Variants in KDF1 observed in about 807,000 individuals in gnomAD.
The protein encoded by KDF1 is RP11-344H11.3.
KDF1 carries 11 observed loss-of-function variants against 31.6 expected under a neutral mutation model. That is an observed-to-expected ratio of 0.35 (90% CI 0.22 to 0.58). The LOEUF (loss-of-function observed/expected upper bound fraction) is 0.58, where lower values mean the gene tolerates loss of function less well. KDF1 is among the 20% of genes least tolerant of loss of function. The pLI is 0.83. For missense variants in KDF1, 476 were observed against 549.1 expected (o/e 0.87, Z 1.33); for synonymous variants, 205 against 214.4 (o/e 0.96, Z 0.38).
chr1:26,957,816 T>C (rs1351391411), intron 1 of KDF1, among the ~76,000 whole-genome samples: 1 of 152,032 alleles, frequency 6.6e-6, no homozygotes, highest in Non-Finnish European at 1.5e-5. Context: ...CTGGATTTAT[T>C]ATTATTATTA....
Position 26,952,026 on chromosome 1 carries a change from T to C in KDF1, c.355A>G (p.Thr119Ala), listed in dbSNP as rs1206217498. 6.2e-7 allele frequency: 1 copy of C among 1,613,458 alleles called. No homozygotes were observed. Among genetic ancestry groups the C allele is most frequent in the South Asian group, 1.1e-5 (1 of 91,068 alleles). The change falls in exon 2 of 4, where the codon ACT becomes GCT. Residue 119 changes from threonine (T) to alanine (A), a missense_variant. Around this residue, in one of 2 missense-constraint regions of KDF1, gnomAD observed 330 missense variants for 332.3 expected, o/e 0.99. Coordinates refer to ENST00000320567, the MANE Select transcript of KDF1 (RefSeq NM_152365.3). The surrounding 1 kb of genome is among the most constrained non-coding windows in gnomAD (Gnocchi z 4.1). ...CAGTTGGCTTCAGCAGTCCCCTCAG[T>C]GGAGTCCTCAGTAGACAGGCAGGGG... is the stretch of plus-strand genomic sequence containing the variant. ...CSPCLSTEDS[T>A]EGTAEANWAK... is the part of the protein sequence containing the mutation.
At position 26,951,356 on chromosome 1, in the gene KDF1, C is replaced by A; in HGVS notation, c.1025G>T (p.Gly342Val). The change falls in exon 2 of 4, where the codon GGT (glycine) becomes GTT (valine). Residue 342 changes from glycine to valine, a missense_variant. By Grantham distance (109) the Gly-to-Val change is moderately radical (BLOSUM62 -3). Transcript: ENST00000320567. The surrounding 1 kb of genome is among the most constrained non-coding windows in gnomAD (Gnocchi z 5.4). Reference protein sequence around the residue: ...DSGHETMVGSGLSQDELTVQI... With the variant: ...DSGHETMVGSVLSQDELTVQI... The stretch of plus-strand genomic sequence containing the variant: ...CCCCCACCTACCATCCTGGCTGAGA[C>A]CTGAGCCCACCATGGTCTCATGGCC... 1 of 1,579,942 alleles carries A rather than the reference C, an allele frequency of 6.3e-7. No homozygotes were observed. Among genetic ancestry groups the A allele is most frequent in the South Asian group, 1.1e-5 (1 of 87,388 alleles).
rs2082345028 is a variant in KDF1, at chr1:26,950,876, T to TAA, written c.1040-122_1040-121dup. On this transcript the variant is annotated intron_variant, in intron 2 of 3. Coordinates refer to ENST00000320567, the MANE Select transcript of KDF1 (RefSeq NM_152365.3). This position sits in a 1 kb window ranked among gnomAD's most constrained non-coding sequence, Gnocchi z 4.0. Reference sequence around the variant, plus strand: ...TCACTCCTGGGCAGGGCTAGAAAAATAATGCTTAAAGACAGAGACATAGAC... The same window carrying TAA: ...TCACTCCTGGGCAGGGCTAGAAAAATAAAATGCTTAAAGACAGAGACATAGAC... 2.4e-6 allele frequency: 2 copies of TAA among 844,434 alleles called. No homozygotes were observed. Among genetic ancestry groups the TAA allele is most frequent in the Non-Finnish European group, 3.9e-6 (2 of 517,192 alleles). 52.3% of individuals were successfully genotyped at this position (844,434 alleles called of 1,614,324 possible). A position where few individuals can be genotyped will look rare whatever the true frequency, so the allele number is the denominator to read the frequency against.
intron 1 of KDF1, among the ~76,000 whole-genome samples, chr1:26,954,368 C>G (rs1310279808): frequency 6.6e-6 from 1 of 151,698 alleles, no homozygotes; most frequent in Non-Finnish European, 1.5e-5. Context: ...GGATTACAGG[C>G]ACGTGCCACC....
In KDF1 at chr1:26,951,945, G is replaced by A; in HGVS notation, c.436C>T (p.Arg146Trp). The change falls in exon 2 of 4, where the codon CGG becomes TGG. Residue 146 changes from arginine (R) to tryptophan (W), a missense_variant. Around this residue, in one of 2 missense-constraint regions of KDF1, gnomAD observed 330 missense variants for 332.3 expected, o/e 0.99. Coordinates refer to ENST00000320567, the MANE Select transcript of KDF1 (RefSeq NM_152365.3). The surrounding 1 kb of genome is among the most constrained non-coding windows in gnomAD (Gnocchi z 5.4). The part of the protein sequence containing the change: ...PSPDRAPPSR[R>W]DGQRLKSTMG... ...GTTGACTTGAGCCGCTGGCCATCCC[G>A]CCGGCTGGGGGGTGCACGATCAGGG... 1.2e-6 allele frequency: 2 copies of A among 1,604,646 alleles called. No homozygotes were observed. The highest frequency in any genetic ancestry group is 2.2e-5 in the East Asian group (1 of 44,704).
Position 26,951,203 on chromosome 1 carries a change from C to G in KDF1, c.1039+139G>C, listed in dbSNP as rs2124155417. 2 of 956,532 alleles carry G rather than the reference C, an allele frequency of 2.1e-6. No individual in the cohort carries two copies. The highest frequency in any genetic ancestry group is 1.5e-6 in the Non-Finnish European group (1 of 663,450). The allele number at this position is 956,532 out of a possible 1,614,324, so 59.3% of individuals were successfully genotyped here. Reference sequence around the variant, plus strand: ...GAGTGGGAGCTGGGGAGAGGGGATGCAAGAGTTGACAGAAAGGAGGAGGAA... The same window carrying G: ...GAGTGGGAGCTGGGGAGAGGGGATGGAAGAGTTGACAGAAAGGAGGAGGAA... On this transcript the variant is annotated intron_variant, in intron 2 of 3. Transcript: ENST00000320567. The surrounding 1 kb of genome is among the most constrained non-coding windows in gnomAD (Gnocchi z 5.4).
rs2082345975 is a variant in KDF1, at chr1:26,951,103, C to G, written c.1039+239G>C. 6.6e-6 allele frequency among the ~76,000 whole-genome samples: 1 copy of G among 152,220 alleles called. No individual in the cohort carries two copies. The highest frequency in any genetic ancestry group is 2.4e-5 in the African/African-American group (1 of 41,456). On this transcript the variant is annotated intron_variant, in intron 2 of 3. Transcript: ENST00000320567. The surrounding 1 kb of genome is among the most constrained non-coding windows in gnomAD (Gnocchi z 5.4). ...GGAACCTTGACCTTTCTGGGGACAGCAGCGATGGCCAGAGAGCTCTCCCAG... is the reference window on the plus strand; with the variant it reads ...GGAACCTTGACCTTTCTGGGGACAGGAGCGATGGCCAGAGAGCTCTCCCAG...
intron 1 of KDF1, among the ~76,000 whole-genome samples, chr1:26,959,522 T>C (rs371209115): frequency 6.6e-6 from 1 of 152,072 alleles, no homozygotes; most frequent in East Asian, 1.9e-4. Context: ...AAATATTGAG[T>C]GCAGGGGGCT....
chr1:26,958,402 G>C (rs1449275608), intron 1 of KDF1, among the ~76,000 whole-genome samples: 1 of 148,024 alleles, frequency 6.8e-6, no homozygotes, highest in Non-Finnish European at 1.5e-5. Context: ...CAAAGTACTG[G>C]GATTACAGGC....
At chr1:26,953,537 C>T (rs1221957895) in intron 1 of KDF1, among the ~76,000 whole-genome samples, 1 of 152,088 alleles carries the variant, frequency 6.6e-6, no homozygotes, top group East Asian at 1.9e-4. Flanking sequence ...AATGACTAAA[C>T]AAAATGTGGT....
In KDF1 at chr1:26,949,902, C is replaced by T. The variant is rs2082338793; in HGVS notation, c.*167G>A. On this transcript the variant is annotated 3_prime_UTR_variant, in exon 4 of 4. Coordinates refer to ENST00000320567, the MANE Select transcript of KDF1 (RefSeq NM_152365.3). ...ATGCAAGGAGATGTAGATCCCATGG[C>T]CCAGTGAAATGCACATGGTCCAGGA... 3.2e-6 allele frequency: 2 copies of T among 616,146 alleles called. No homozygotes were observed. Among genetic ancestry groups the T allele is most frequent in the Non-Finnish European group, 5.7e-6 (2 of 351,470 alleles). The allele number at this position is 616,146 out of a possible 1,614,324, so 38.2% of individuals were successfully genotyped here. A position where few individuals can be genotyped will look rare whatever the true frequency, so the allele number is the denominator to read the frequency against.
chr1:26,953,184 G>A (rs183550214), intron 1 of KDF1, among the ~76,000 whole-genome samples: 1 of 152,184 alleles, frequency 6.6e-6, no homozygotes, highest in East Asian at 1.9e-4. Flanking sequence ...TCAGATTTTG[G>A]AGTGTTTTGG....
Position 26,950,118 on chromosome 1 carries a change from C to A in KDF1, c.1148G>T (p.Gly383Val). ...TGCCCCCGACGAGTCTGTGTCGGTGCCCTGGAAGGATGAGTCATGGCTTGC... is the reference window on the plus strand; with the variant it reads ...TGCCCCCGACGAGTCTGTGTCGGTGACCTGGAAGGATGAGTCATGGCTTGC... Reference protein sequence around the residue: ...YPASHDSSFQGTDTDSSGAPL... With the variant: ...YPASHDSSFQVTDTDSSGAPL... Residue 383 changes from glycine to valine, a missense_variant, in exon 4 of 4, where the codon GGC becomes GTC. Gly to Val is a moderately radical substitution (Grantham distance 109). Around this residue, in one of 2 missense-constraint regions of KDF1, gnomAD observed 146 missense variants for 216.8 expected, o/e 0.67. Transcript: ENST00000320567. This position sits in a 1 kb window ranked among gnomAD's most constrained non-coding sequence, Gnocchi z 4.0. The A allele has an allele frequency of 6.2e-7, 1 of 1,613,832 alleles. No homozygotes were observed. The highest frequency in any genetic ancestry group is 8.5e-7 in the Non-Finnish European group (1 of 1,179,824).
chr1:26,950,511 C>T lies in KDF1; in HGVS notation c.1114+171G>A, dbSNP rs1008851643. 1.3e-5 allele frequency among the ~76,000 whole-genome samples: 2 copies of T among 152,188 alleles called. No homozygotes were observed. Among genetic ancestry groups the T allele is most frequent in the African/African-American group, 4.8e-5 (2 of 41,450 alleles). On this transcript the variant is annotated intron_variant, in intron 3 of 3. Transcript: ENST00000320567. The surrounding 1 kb of genome is among the most constrained non-coding windows in gnomAD (Gnocchi z 4.0). The stretch of plus-strand genomic sequence containing the variant: ...TCAGCTTGCCTGTTCTGGGCACCTG[C>T]ACCCACTTTAAGCCAGCTTGCTAGA...
Position 26,951,429 on chromosome 1 carries a change from C to G in KDF1, c.952G>C (p.Gly318Arg), listed in dbSNP as rs2082347907. ...GGGGCAGCAGCCCGAGTTGAACGACCCTCCGAGGTCTGTGGGCGAGCACGG... is the reference window on the plus strand; with the variant it reads ...GGGGCAGCAGCCCGAGTTGAACGACGCTCCGAGGTCTGTGGGCGAGCACGG... ...KSRARPQTSE[G>R]RSTRAAAPTA... The change falls in exon 2 of 4, where the codon GGT becomes CGT. Residue 318 changes from glycine to arginine, a missense_variant. Around this residue, in one of 2 missense-constraint regions of KDF1, gnomAD observed 146 missense variants for 216.8 expected, o/e 0.67. Transcript: ENST00000320567. This position sits in a 1 kb window ranked among gnomAD's most constrained non-coding sequence, Gnocchi z 5.4. 4.3e-6 allele frequency: 7 copies of G among 1,613,092 alleles called. No homozygotes were observed. Among genetic ancestry groups the G allele is most frequent in the Non-Finnish European group, 5.1e-6 (6 of 1,179,482 alleles).
Position 26,952,192 on chromosome 1 carries a change from G to A in KDF1, c.189C>T (p.Gly63=), listed in dbSNP as rs2082354932. 10 of 1,613,218 alleles carry A rather than the reference G, an allele frequency of 6.2e-6. No homozygotes were observed. The highest frequency in any genetic ancestry group is 8.5e-6 in the Non-Finnish European group (10 of 1,179,660). Residue 63 remains glycine (G), a synonymous_variant, in exon 2 of 4, where the codon GGC becomes GGT. Coordinates refer to ENST00000320567, the MANE Select transcript of KDF1 (RefSeq NM_152365.3). The surrounding 1 kb of genome is among the most constrained non-coding windows in gnomAD (Gnocchi z 4.1). Reference sequence around the variant, plus strand: ...GGGACTCAAGGGCCGGCTCAGCAGAGCCAGAGATGAAGGTAATGCTCTCTG... The same window carrying A: ...GGGACTCAAGGGCCGGCTCAGCAGAACCAGAGATGAAGGTAATGCTCTCTG... ...HGPESITFIS[G]SAEPALESPT...
intron 1 of KDF1, among the ~76,000 whole-genome samples, chr1:26,953,902 C>T (rs1280009557): frequency 6.6e-6 from 1 of 150,538 alleles, no homozygotes; most frequent in Non-Finnish European, 1.5e-5. Flanking sequence ...TTGCAGTGAG[C>T]TGAGATCGTG....
Position 26,951,198 on chromosome 1 carries a change from G to C in KDF1, c.1039+144C>G. ...GGCCAGAGTGGGAGCTGGGGAGAGG[G>C]GATGCAAGAGTTGACAGAAAGGAGG... On this transcript the variant is annotated intron_variant, in intron 2 of 3. Transcript: ENST00000320567. This position sits in a 1 kb window ranked among gnomAD's most constrained non-coding sequence, Gnocchi z 5.4. 2 of 910,928 alleles carry C rather than the reference G, an allele frequency of 2.2e-6. No individual in the cohort carries two copies. The highest frequency in any genetic ancestry group is 3.2e-6 in the Non-Finnish European group (2 of 622,142). The allele number at this position is 910,928 out of a possible 1,614,324, so 56.4% of individuals were successfully genotyped here. A position where few individuals can be genotyped will look rare whatever the true frequency, so the allele number is the denominator to read the frequency against.
At position 26,952,973 on chromosome 1, in the gene KDF1, G is replaced by C. The variant is rs1167476412; in HGVS notation, c.-32-561C>G. Among the ~76,000 whole-genome samples, 1 of 150,406 alleles carries C rather than the reference G, an allele frequency of 6.6e-6. No homozygotes were observed. The highest frequency in any genetic ancestry group is 1.5e-5 in the Non-Finnish European group (1 of 67,764). ...CACTCCAGCCTGGGCAACAGGGCGA[G>C]ACTGTGTCTCAAAAAAAAAAAAGAA... On this transcript the variant is annotated intron_variant, in intron 1 of 3. Transcript: ENST00000320567. This position sits in a 1 kb window ranked among gnomAD's most constrained non-coding sequence, Gnocchi z 4.1.
Sources: gnomAD v4.1 joint callset for allele counts (sites outside exome capture counted in the v4.1 genomes callset) on GRCh38, gnomAD v4.1.1 for gene constraint, gnomAD v4.1.1 regional missense constraint, Gnocchi (gnomAD v3.1) non-coding constraint, MANE v1.5 for transcripts, NCBI Gene and HGNC (gene_info 2026-07-23, HGNC 2026-07-21) for gene names.